Variants in MCM3 observed in about 807,000 individuals in gnomAD.
The protein encoded by MCM3 is minichromosome maintenance complex component 3, also known as DNA replication licensing factor MCM3.
MCM3 carries 59 observed loss-of-function variants against 91.3 expected under a neutral mutation model. That is an observed-to-expected ratio of 0.65 (90% CI 0.52 to 0.80). The LOEUF (loss-of-function observed/expected upper bound fraction) is 0.80, where lower values mean the gene tolerates loss of function less well. Among genes scored for constraint, MCM3 ranks in the 30% least tolerant of loss-of-function variants. The pLI, the probability that MCM3 is intolerant of heterozygous loss-of-function variation, is 0.00. For synonymous variants in MCM3, 383 were observed against 379.6 expected, an observed-to-expected ratio of 1.01 and a Z score of -0.10; for missense variants, 919 against 1,035.4, an observed-to-expected ratio of 0.89 and a Z score of 1.54.
chr6:52,277,429 T>A, intron 7 of MCM3, 106 bp downstream of exon 7: 1 of 1,242,368 alleles, frequency 8.0e-7, no homozygotes, highest in Non-Finnish European at 1.1e-6. Context: ...TGTCCTTTGA[T>A]AGGACTGAAA....
rs1474346588 is a variant in MCM3, at chr6:52,264,762, G to C, written c.2253C>G (p.Leu751=). Residue 751 remains leucine, a synonymous_variant, in exon 17 of 17, where the codon CTC becomes CTG. Transcript: ENST00000596288. ...ESRLKAFKVA[L]LDVFREAHAQ... ...CATGAGCTTCCCGGAACACATCCAA[G>C]AGGGCCACCTTGAATGCCTTCAACC... 1.6e-5 allele frequency: 26 copies of C among 1,613,946 alleles called. No homozygotes were observed. Among genetic ancestry groups the C allele is most frequent in the Non-Finnish European group, 2.1e-5 (25 of 1,180,046 alleles).
chr6:52,266,792 C>T lies in MCM3; in HGVS notation c.2073-96G>A. 8.7e-6 allele frequency: 8 copies of T among 920,766 alleles called. No individual in the cohort carries two copies. The Admixed American group carries it at 1.2e-4, about 14-fold the overall frequency. The allele number at this position is 920,766 out of a possible 1,614,324, so 57.0% of individuals were successfully genotyped here. On this transcript the variant is annotated intron_variant, in intron 14 of 16. Transcript: ENST00000596288. ...GCCTCTAACTACGGAGAAAAGGAAA[C>T]AGAACCACTAAGTCAAAGTGAAGCA... is the stretch of plus-strand genomic sequence containing the variant.
chr6:52,272,245 TCCTG>T, intron 12 of MCM3, 52 bp downstream of exon 12: 1 of 1,546,198 alleles, frequency 6.5e-7, no homozygotes. Flanking sequence ...TAGCAGGGAC[TCCTG>T]CCCAGCCATA....
At chr6:52,279,049 T>G (rs1201071839) in intron 5 of MCM3, among the ~76,000 whole-genome samples, 199 bp from the exon 6 acceptor site, 1 of 152,116 alleles carries the variant, frequency 6.6e-6, no homozygotes, top group Non-Finnish European at 1.5e-5. Context: ...ATGCCCCACC[T>G]CTGGAATTGA....
chr6:52,282,941 G>A (rs1388922969), intron 2 of MCM3, 80 bp from the exon 3 acceptor site: 3 of 993,056 alleles, frequency 3.0e-6, no homozygotes, highest in African/African-American at 3.3e-5. Context: ...GACATTCTTA[G>A]ATCATTAAAA....
chr6:52,284,310 A>G (rs1226967203), intron 1 of MCM3, among the ~76,000 whole-genome samples: 1 of 152,232 alleles, frequency 6.6e-6, no homozygotes, highest in Non-Finnish European at 1.5e-5. Flanking sequence ...CAAAAGGCCG[A>G]GGTGGGCTTT....
rs925788158 is a variant in MCM3 at position 52,264,353 on chromosome 6, G to C, written c.*235C>G. The C allele has an allele frequency of 3.9e-6, 2 of 515,622 alleles. No individual in the cohort carries two copies. The highest frequency in any genetic ancestry group is 7.0e-6 in the Non-Finnish European group (2 of 284,336). 31.9% of individuals were successfully genotyped at this position (515,622 alleles called of 1,614,324 possible). A position where few individuals can be genotyped will look rare whatever the true frequency, so the allele number is the denominator to read the frequency against. On this transcript the variant is annotated 3_prime_UTR_variant, in exon 17 of 17. Transcript: ENST00000596288. Reference sequence around the variant, plus strand: ...GAGCCAGTGCTTTTGCAATGAAGATGCAATAGTCATTGTCCTCTCCCACTG... The same window carrying C: ...GAGCCAGTGCTTTTGCAATGAAGATCCAATAGTCATTGTCCTCTCCCACTG...
At chr6:52,274,031 G>A in intron 9 of MCM3, 115 bp from the exon 10 acceptor site, 2 of 735,976 alleles carry the variant, frequency 2.7e-6, no homozygotes, top group Non-Finnish European at 4.4e-6. Context: ...GAGCAAAACA[G>A]ACAAAAAGCA....
intron 12 of MCM3, among the ~76,000 whole-genome samples, chr6:52,271,413 C>T (rs1288166433): frequency 2.0e-5 from 3 of 152,142 alleles, no homozygotes; most frequent in South Asian, 2.1e-4. Flanking sequence ...GAGGCCAAGC[C>T]GGGCGGATCA....
chr6:52,279,881 T>C (rs931768473), intron 4 of MCM3, among the ~76,000 whole-genome samples: 1 of 152,184 alleles, frequency 6.6e-6, no homozygotes, highest in African/African-American at 2.4e-5. Flanking sequence ...TCTGAAGCAG[T>C]TTTTCCACTC....
In MCM3 at chr6:52,282,823, T is replaced by A. The variant is rs780578811; in HGVS notation, c.230A>T (p.Gln77Leu). Reference sequence around the variant, plus strand: ...GGCCACAAAATCCTTTAAGGCCCGCTGGAAGGCAACCAGCTCCTCAAAGGC... The same window carrying A: ...GGCCACAAAATCCTTTAAGGCCCGCAGGAAGGCAACCAGCTCCTCAAAGGC... ...NNAFEELVAF[Q>L]RALKDFVASI... Residue 77 changes from glutamine to leucine, a missense_variant, in exon 3 of 17, where the codon CAG (glutamine) becomes CTG (leucine). Gln to Leu is a moderately radical substitution (Grantham distance 113, BLOSUM62 -2). This residue lies in a region of MCM3 where 401 missense variants were observed against 402.7 expected (regional missense o/e 1.00). Transcript: ENST00000596288. The A allele has an allele frequency of 9.3e-6, 15 of 1,613,906 alleles. No homozygotes were observed. Among genetic ancestry groups the A allele is most frequent in the Non-Finnish European group, 1.2e-5 (14 of 1,180,032 alleles).
chr6:52,274,529 G>GA (rs971056585), intron 9 of MCM3, among the ~76,000 whole-genome samples: 8 of 151,002 alleles, frequency 5.3e-5, no homozygotes, highest in Middle Eastern at 3.4e-3. Context: ...AACTTAAAAA[G>GA]AAAAAAAAAT....
At chr6:52,266,493 G>T in intron 15 of MCM3, 118 bp downstream of exon 15, 1 of 899,428 alleles carries the variant, frequency 1.1e-6, no homozygotes, top group African/African-American at 1.7e-5. Context: ...TTGGACATAG[G>T]CCCCAAGCAG....
chr6:52,273,948 T>C, intron 9 of MCM3, 32 bp from the exon 10 acceptor site: 2 of 1,556,940 alleles, frequency 1.3e-6, no homozygotes, highest in Non-Finnish European at 1.8e-6. Context: ...GAAGTGGACA[T>C]GACATCAATA....
intron 12 of MCM3, among the ~76,000 whole-genome samples, chr6:52,269,840 G>A (rs1764949251): frequency 6.6e-6 from 1 of 152,156 alleles, no homozygotes; most frequent in African/African-American, 2.4e-5. Context: ...GGCCTTTCTT[G>A]ACCTAATCAA....
At chr6:52,284,532 T>C (rs1766469690) in intron 1 of MCM3, 65 bp downstream of exon 1, 4 of 1,485,660 alleles carry the variant, frequency 2.7e-6, no homozygotes, top group Non-Finnish European at 9.1e-7. Context: ...GCCTCTGGCT[T>C]CCCGGCCGGG....
At chr6:52,265,095 G>A (rs1764538626) in intron 16 of MCM3, 1 of 396,304 alleles carries the variant, frequency 2.5e-6, no homozygotes. Flanking sequence ...TTGGCCCAGG[G>A]AGCCCATTTC....
chr6:52,284,698 C>T lies in MCM3; in HGVS notation c.-24G>A. 1 of 1,599,000 alleles carries T rather than the reference C, an allele frequency of 6.3e-7. No homozygotes were observed. On this transcript the variant is annotated 5_prime_UTR_variant, in exon 1 of 17. Transcript: ENST00000596288. ...ATGCCCGCTGCCAAAGAACTACCTC[C>T]ACCAAAGTCGCGTGGAGGTTCCCAG...
rs972353743 is a variant in MCM3, at chr6:52,277,470, A to G, written c.1033+65T>C. ...CTAAGTACAGAATATACAATCTTACATATTATAGGTCTCCACAACCACTCC... is the reference window on the plus strand; with the variant it reads ...CTAAGTACAGAATATACAATCTTACGTATTATAGGTCTCCACAACCACTCC... On this transcript the variant is annotated intron_variant, in intron 7 of 16. Coordinates refer to ENST00000596288, the MANE Select transcript of MCM3 (RefSeq NM_002388.6). 470 of 1,470,206 alleles carry G rather than the reference A, an allele frequency of 3.2e-4. 1 individual carries two copies. Among genetic ancestry groups the G allele is most frequent in the Non-Finnish European group, 3.8e-4 (410 of 1,078,410 alleles). 91.1% of individuals were successfully genotyped at this position (1,470,206 alleles called of 1,614,324 possible).
Sources: allele counts gnomAD v4.1 joint callset (sites outside exome capture counted in the v4.1 genomes callset), GRCh38; gene constraint gnomAD v4.1.1; regional missense constraint gnomAD v4.1.1; transcripts MANE v1.5; gene names NCBI Gene and HGNC (gene_info 2026-07-23, HGNC 2026-07-21).